Variants in EYA1 observed in about 807,000 individuals in gnomAD.
EYA1 encodes the protein EYA transcriptional coactivator and phosphatase 1.
In EYA1, 16 loss-of-function variants were observed where a neutral mutation model predicts 82.0. That is an observed-to-expected ratio of 0.20 (90% CI 0.13 to 0.30). The LOEUF is 0.30. EYA1 is among the 10% of genes least tolerant of loss of function. EYA1 has a pLI of 1.00. For synonymous variants in EYA1, 261 were observed against 264.4 expected, an observed-to-expected ratio of 0.99 and a Z score of 0.12; for missense variants, 633 against 730.7, an observed-to-expected ratio of 0.87 and a Z score of 1.54.
chr8:71,335,597 G>A (rs1824392594), intron 3 of EYA1, among the ~76,000 whole-genome samples: 1 of 152,060 alleles, frequency 6.6e-6, no homozygotes, highest in South Asian at 2.1e-4. Context: ...GTTGTTTTGG[G>A]TTTAGAAGTC....
intron 7 of EYA1, among the ~76,000 whole-genome samples, chr8:71,303,706 G>T (rs1040132760): frequency 7.1e-6 from 1 of 140,150 alleles, no homozygotes; most frequent in Non-Finnish European, 1.6e-5. Context: ...CTACTTCCAA[G>T]ACTGGAACAT....
At chr8:71,203,657 T>G (rs1398667815) in intron 17 of EYA1, among the ~76,000 whole-genome samples, 1 of 152,106 alleles carries the variant, frequency 6.6e-6, no homozygotes, top group Admixed American at 6.5e-5. Context: ...CTAAGGAGTT[T>G]AGACTTTTGT....
chr8:71,509,455 T>C (rs2129249164), intron 2 of EYA1, among the ~76,000 whole-genome samples: 1 of 152,246 alleles, frequency 6.6e-6, no homozygotes, highest in African/African-American at 2.4e-5. Flanking sequence ...TAAAGCTACT[T>C]TAGAAAGCAT....
intron 2 of EYA1, among the ~76,000 whole-genome samples, chr8:71,423,014 T>A (rs888949979): frequency 6.6e-6 from 1 of 152,168 alleles, no homozygotes; most frequent in African/African-American, 2.4e-5. Context: ...CAGAAACTAA[T>A]CAATGATCAC....
intron 2 of EYA1, among the ~76,000 whole-genome samples, chr8:71,380,127 G>A (rs1828612057): frequency 6.6e-6 from 1 of 152,146 alleles, no homozygotes; most frequent in South Asian, 2.1e-4. Context: ...TCTCTCCTTG[G>A]ATTGGTTCAA....
At chr8:71,495,316 G>T (rs762932160) in intron 2 of EYA1, among the ~76,000 whole-genome samples, 1 of 152,162 alleles carries the variant, frequency 6.6e-6, no homozygotes, top group Non-Finnish European at 1.5e-5. Flanking sequence ...TCATTTAGGA[G>T]TTCAGTAAAA....
At position 71,278,276 on chromosome 8, in the gene EYA1, A is replaced by G. The variant is rs531591399; in HGVS notation, c.827-6379T>C. ...ATATAAAAGATCTCAGGCAACTCCA[A>G]CCCTCAAAACCCATCAGGGTTTATT... On this transcript the variant is annotated intron_variant, in intron 9 of 17. Transcript: ENST00000340726. Among the ~76,000 whole-genome samples, 5 of 152,280 alleles carry G rather than the reference A, an allele frequency of 3.3e-5. No homozygotes were observed. In the South Asian group the frequency reaches 8.3e-4, roughly 25 times the overall value.
intron 3 of EYA1, among the ~76,000 whole-genome samples, chr8:71,348,309 A>G (rs1327746862): frequency 6.6e-6 from 1 of 152,208 alleles, no homozygotes; most frequent in Non-Finnish European, 1.5e-5. Context: ...CAGGGAATCT[A>G]TGACCAAAGG....
intron 2 of EYA1, among the ~76,000 whole-genome samples, chr8:71,466,193 C>T (rs1334200201): frequency 6.6e-6 from 1 of 152,060 alleles, no homozygotes; most frequent in East Asian, 1.9e-4. Flanking sequence ...TAAATATAAC[C>T]ACAGAAATAT....
At chr8:71,310,541 G>C (rs1243269847) in intron 7 of EYA1, among the ~76,000 whole-genome samples, 2 of 152,248 alleles carry the variant, frequency 1.3e-5, no homozygotes, top group East Asian at 3.9e-4. Flanking sequence ...GTGTTAGTTT[G>C]CTAAGGATAA....
intron 2 of EYA1, among the ~76,000 whole-genome samples, chr8:71,459,708 G>A (rs1808224092): frequency 6.6e-6 from 1 of 151,922 alleles, no homozygotes; most frequent in African/African-American, 2.4e-5. Flanking sequence ...TACTCTGAGA[G>A]TAAAAATTAG....
intron 2 of EYA1, among the ~76,000 whole-genome samples, chr8:71,534,184 C>A (rs1260395593): frequency 6.6e-6 from 1 of 152,138 alleles, no homozygotes; most frequent in African/African-American, 2.4e-5. Context: ...GAGCAGAGTT[C>A]ATAAAAGGTG....
intron 2 of EYA1, chr8:71,449,058 GT>G: frequency 6.0e-6 from 1 of 166,738 alleles, no homozygotes. Context: ...TCAAGTACGT[GT>G]TTTTCGACAG....
chr8:71,330,072 A>G (rs1372124599), intron 4 of EYA1, among the ~76,000 whole-genome samples: 1 of 152,180 alleles, frequency 6.6e-6, no homozygotes, highest in Non-Finnish European at 1.5e-5. Flanking sequence ...GGGAGGAAGA[A>G]CAGTAAGCAA....
chr8:71,249,498 A>G (rs904810534), intron 11 of EYA1, among the ~76,000 whole-genome samples: 5 of 152,044 alleles, frequency 3.3e-5, no homozygotes, highest in African/African-American at 1.2e-4. Flanking sequence ...AGAACTCACT[A>G]TCATGAGAAC....
chr8:71,362,864 A>C (rs1437535815), upstream of EYA1, among the ~76,000 whole-genome samples: 2 of 152,240 alleles, frequency 1.3e-5, no homozygotes. Context: ...AGCTTCAGTT[A>C]AGATATGTTT....
At chr8:71,508,397 C>A (rs540215633) in intron 2 of EYA1, among the ~76,000 whole-genome samples, 1 of 152,148 alleles carries the variant, frequency 6.6e-6, no homozygotes, top group Non-Finnish European at 1.5e-5. Context: ...CCTCAGCCCC[C>A]CAAGTAGCTG....
At chr8:71,332,621 GC>G (rs1824017568) in intron 4 of EYA1, among the ~76,000 whole-genome samples, 1 of 152,084 alleles carries the variant, frequency 6.6e-6, no homozygotes, top group African/African-American at 2.4e-5. Context: ...CAGCTCACCT[GC>G]CCCTAATTCA....
chr8:71,389,801 A>G (rs1250441707), intron 2 of EYA1, among the ~76,000 whole-genome samples: 1 of 152,190 alleles, frequency 6.6e-6, no homozygotes, highest in African/African-American at 2.4e-5. Flanking sequence ...ACCCCTTTAC[A>G]CTGTAATGCC....
Sources: gnomAD v4.1 joint callset for allele counts (sites outside exome capture counted in the v4.1 genomes callset) on GRCh38, gnomAD v4.1.1 for gene constraint, MANE v1.5 for transcripts, NCBI Gene and HGNC (gene_info 2026-07-23, HGNC 2026-07-21) for gene names.